The following NKAIN3 variants were observed in gnomAD, a reference collection of about 807,000 sequenced individuals.
NKAIN3 encodes sodium/potassium transporting ATPase interacting 3, also known as sodium/potassium-transporting ATPase subunit beta-1-interacting protein 3.
NKAIN3 carries 25 observed loss-of-function variants against 30.2 expected under a neutral mutation model. The observed-to-expected ratio is 0.83, with a 90% CI of 0.60 to 1.16. The LOEUF (loss-of-function observed/expected upper bound fraction) is 1.16, where lower values mean the gene tolerates loss of function less well. Ranked by LOEUF, NKAIN3 falls within the 50% of genes most tolerant of loss-of-function variation. The pLI is 0.00. For missense variants in NKAIN3, 225 were observed against 254.1 expected (o/e 0.89, Z 0.78); for synonymous variants, 91 against 89.6 (o/e 1.02, Z -0.09).
At chr8:62,856,142 C>T (rs1820052997) in intron 4 of NKAIN3, 2 of 725,086 alleles carry the variant, frequency 2.8e-6, no homozygotes, top group Middle Eastern at 5.0e-4. Context: ...TCTGAGACTC[C>T]CATAGATCTC....
chr8:62,559,746 T>A (rs1205968769), intron 1 of NKAIN3, among the ~76,000 whole-genome samples: 1 of 152,072 alleles, frequency 6.6e-6, no homozygotes, highest in Non-Finnish European at 1.5e-5. Flanking sequence ...TTCACATATA[T>A]TTGGTACCAC....
intron 4 of NKAIN3, among the ~76,000 whole-genome samples, chr8:62,881,913 C>T (rs567471016): frequency 1.3e-5 from 2 of 152,162 alleles, no homozygotes; most frequent in East Asian, 1.9e-4. Flanking sequence ...CAGAATTTGG[C>T]GTTGTCAGCG....
At chr8:62,814,135 A>T (rs1818587486) in intron 4 of NKAIN3, among the ~76,000 whole-genome samples, 1 of 151,938 alleles carries the variant, frequency 6.6e-6, no homozygotes, top group Non-Finnish European at 1.5e-5. Context: ...CTTTGGATTG[A>T]ATTTACGTAA....
chr8:62,745,507 T>A (rs528569780), intron 3 of NKAIN3, among the ~76,000 whole-genome samples: 23 of 152,296 alleles, frequency 1.5e-4, no homozygotes, highest in African/African-American at 5.3e-4. Context: ...TTCTACCCAA[T>A]CTACATGGGT....
At chr8:62,461,231 G>A (rs1201378169) in intron 1 of NKAIN3, among the ~76,000 whole-genome samples, 1 of 152,204 alleles carries the variant, frequency 6.6e-6, no homozygotes, top group African/African-American at 2.4e-5. Context: ...ACTCTACTAA[G>A]TTAACAAAGC....
intron 4 of NKAIN3, among the ~76,000 whole-genome samples, chr8:62,820,095 A>G (rs1818806434): frequency 6.6e-6 from 1 of 152,148 alleles, no homozygotes; most frequent in African/African-American, 2.4e-5. Context: ...CACATGACTA[A>G]TAGTATTTCC....
chr8:62,937,272 GGAAAACTGAAAGAA>G (rs1822813356), intron 5 of NKAIN3, among the ~76,000 whole-genome samples: 1 of 152,112 alleles, frequency 6.6e-6, no homozygotes, highest in Admixed American at 6.5e-5. Context: ...GAACATATCA[GGAAAACTGAAAGAA>G]TTCGTAGAGC....
At chr8:62,324,077 AC>A (rs1321578507) in intron 1 of NKAIN3, among the ~76,000 whole-genome samples, 2 of 152,106 alleles carry the variant, frequency 1.3e-5, no homozygotes, top group Non-Finnish European at 2.9e-5. Flanking sequence ...TAGAATGCCC[AC>A]CAAGAATGAA....
chr8:62,401,557 T>C (rs1280052924), intron 1 of NKAIN3, among the ~76,000 whole-genome samples: 4 of 152,120 alleles, frequency 2.6e-5, no homozygotes, highest in Non-Finnish European at 5.9e-5. Context: ...CTGTGCCCAT[T>C]CTTCTTGGGA....
In NKAIN3 at chr8:62,966,302, A is replaced by C; in HGVS notation, c.*895A>C. Reference sequence around the variant, plus strand: ...TTCTCTATAAATACTTCTAAAGGAGACATTCACGTGTGAGCAACATCAGCT... The same window carrying C: ...TTCTCTATAAATACTTCTAAAGGAGCCATTCACGTGTGAGCAACATCAGCT... On this transcript the variant is annotated 3_prime_UTR_variant, in exon 7 of 7. Transcript: ENST00000623646. 1 of 984,738 alleles carries C rather than the reference A, an allele frequency of 1.0e-6. No individual in the cohort carries two copies. The highest frequency in any genetic ancestry group is 1.2e-6 in the Non-Finnish European group (1 of 829,308). The allele number at this position is 984,738 out of a possible 1,614,324, so 61.0% of individuals were successfully genotyped here. A position where few individuals can be genotyped will look rare whatever the true frequency, so the allele number is the denominator to read the frequency against.
chr8:62,249,214 G>C, intron 1 of NKAIN3, 87 bp downstream of exon 1: 2 of 1,166,510 alleles, frequency 1.7e-6, no homozygotes, highest in Non-Finnish European at 2.4e-6. Flanking sequence ...CGCAGCTCCC[G>C]GCAAGGGGCG....
chr8:62,863,487 A>T (rs1338046906), intron 4 of NKAIN3: 1 of 1,547,688 alleles, frequency 6.5e-7, no homozygotes, highest in Non-Finnish European at 8.8e-7. Flanking sequence ...TACTCTTCAG[A>T]CAACGTACTG....
chr8:62,831,424 T>C (rs1309430322), intron 4 of NKAIN3, among the ~76,000 whole-genome samples: 2 of 152,090 alleles, frequency 1.3e-5, no homozygotes, highest in African/African-American at 2.4e-5. Context: ...ATTCAAAGCA[T>C]GGATTGTAAG....
chr8:62,679,964 A>G (rs1268567386), intron 3 of NKAIN3, among the ~76,000 whole-genome samples: 1 of 152,208 alleles, frequency 6.6e-6, no homozygotes, highest in African/African-American at 2.4e-5. Flanking sequence ...GGTGAGCTTT[A>G]TCTAATAGTC....
chr8:62,922,261 G>A (rs967810600), intron 5 of NKAIN3, among the ~76,000 whole-genome samples: 6 of 152,142 alleles, frequency 3.9e-5, no homozygotes, highest in Non-Finnish European at 7.3e-5. Context: ...CTTCCTGCTG[G>A]CTAATGTTCA....
At chr8:62,839,861 C>T (rs1819478613) in intron 4 of NKAIN3, among the ~76,000 whole-genome samples, 1 of 152,086 alleles carries the variant, frequency 6.6e-6, no homozygotes, top group South Asian at 2.1e-4. Context: ...AATATTCCCT[C>T]CTTGGCCTCC....
At chr8:62,747,212 G>A in intron 4 of NKAIN3, 83 bp downstream of exon 4, 2 of 823,228 alleles carry the variant, frequency 2.4e-6, no homozygotes, top group Non-Finnish European at 3.9e-6. Context: ...GATAGAAAAT[G>A]CCACAGATAA....
At chr8:62,704,209 G>A (rs1261478783) in intron 3 of NKAIN3, among the ~76,000 whole-genome samples, 1 of 151,752 alleles carries the variant, frequency 6.6e-6, no homozygotes, top group African/African-American at 2.4e-5. Context: ...GTATCTTCTA[G>A]AAGATTTTTT....
intron 1 of NKAIN3, among the ~76,000 whole-genome samples, chr8:62,301,839 G>A (rs963911902): frequency 6.6e-6 from 1 of 152,000 alleles, no homozygotes; most frequent in South Asian, 2.1e-4. Context: ...AAATATAAAT[G>A]TGGCTGTTAC....
Sources: allele counts gnomAD v4.1 joint callset (sites outside exome capture counted in the v4.1 genomes callset), GRCh38; gene constraint gnomAD v4.1.1; transcripts MANE v1.5; gene names NCBI Gene and HGNC (gene_info 2026-07-23, HGNC 2026-07-21).